USP9X: variants seen among roughly 807,000 people sequenced by gnomAD.
The protein encoded by USP9X is ubiquitin carboxyl-terminal hydrolase 9X.
USP9X carries 7 observed loss-of-function variants against 190.3 expected under a neutral mutation model. The ratio of observed to expected loss-of-function variants is 0.04; its 90% CI spans 0.02 to 0.07. USP9X has a LOEUF of 0.07. USP9X is among the 10% of genes least tolerant of loss of function. The probability of loss-of-function intolerance (pLI) is 1.00; values close to 1 mark genes in which losing one functional copy is unlikely to be tolerated. For synonymous variants in USP9X, 645 were observed against 659.5 expected, an observed-to-expected ratio of 0.98 and a Z score of 0.34; for missense variants, 1,010 against 1,916.9, an observed-to-expected ratio of 0.53 and a Z score of 8.83.
Position 41,121,173 on chromosome X carries a change from C to T in USP9X, c.-158-2298C>T, listed in dbSNP as rs1385909479. On this transcript the variant is annotated intron_variant, in intron 1 of 44. Coordinates refer to ENST00000378308, the MANE Select transcript of USP9X (RefSeq NM_001039591.3). ...TTTAAACATATTCCTCTAGCACTTTCTATAGTTGTTTACATTTTCCTCATT... is the reference window on the plus strand; with the variant it reads ...TTTAAACATATTCCTCTAGCACTTTTTATAGTTGTTTACATTTTCCTCATT... Among the ~76,000 whole-genome samples, 3 of 111,334 alleles carry T rather than the reference C, an allele frequency of 2.7e-5. No individual in the cohort carries two copies. In the East Asian group the frequency reaches 8.4e-4, roughly 31 times the overall value.
At chrX:41,162,946 A>G (rs2062645922) in intron 15 of USP9X, 69 bp downstream of exon 15, 3 of 889,834 alleles carry the variant, frequency 3.4e-6, no homozygotes, top group Non-Finnish European at 4.6e-6. Context: ...AATAGACTGT[A>G]TAGCTTGGTC....
At chrX:41,131,399 G>T in intron 3 of USP9X, 58 bp from the exon 4 acceptor site, 2 of 928,645 alleles carry the variant, frequency 2.2e-6, no homozygotes, top group Admixed American at 4.8e-5. Context: ...TAGCTCATTT[G>T]TAGTGCCTCT....
chrX:41,166,348 G>C lies in USP9X; in HGVS notation c.2328+134G>C. ...CAGGAATTTGGTGTAGTTAGGAATT[G>C]TTCATTTTTATTATGTCACCTGTCA... On this transcript the variant is annotated intron_variant, in intron 16 of 44. Transcript: ENST00000378308. 8.1e-6 allele frequency: 4 copies of C among 491,039 alleles called. No homozygotes were observed. The East Asian group carries it at 1.5e-4, about 19-fold the overall frequency. 40.5% of individuals were successfully genotyped at this position (491,039 alleles called of 1,213,427 possible).
rs1464261260 is a variant in USP9X, at chrX:41,131,375, A to G, written c.243-82A>G. 25 of 680,930 alleles carry G rather than the reference A, an allele frequency of 3.7e-5. No homozygotes were observed. In the East Asian group the frequency reaches 8.5e-4, roughly 23 times the overall value. The allele number at this position is 680,930 out of a possible 1,213,427, so 56.1% of individuals were successfully genotyped here. A position where few individuals can be genotyped will look rare whatever the true frequency, so the allele number is the denominator to read the frequency against. On this transcript the variant is annotated intron_variant, in intron 3 of 44. Transcript: ENST00000378308. The stretch of plus-strand genomic sequence containing the variant: ...TAATATTAAATATTTTCATAGCAAG[A>G]TAATTATAATTAGTAGCTCATTTGT...
At chrX:41,196,382 T>G in intron 27 of USP9X, 23 bp downstream of exon 27, 1 of 1,188,447 alleles carries the variant, frequency 8.4e-7, no homozygotes, top group Non-Finnish European at 1.1e-6. Context: ...AAAATATGCT[T>G]ATCAATGTGA....
intron 2 of USP9X, among the ~76,000 whole-genome samples, chrX:41,126,706 C>T (rs2062257126): frequency 9.0e-6 from 1 of 110,648 alleles, no homozygotes; most frequent in South Asian, 3.7e-4. Flanking sequence ...TTACATTATC[C>T]CTCACTCTTA....
At chrX:41,223,811 A>G (rs1602053999) in intron 39 of USP9X, among the ~76,000 whole-genome samples, 1 of 111,631 alleles carries the variant, frequency 9.0e-6, no homozygotes, top group African/African-American at 3.3e-5. Flanking sequence ...TTGCTTTGGA[A>G]TATTTTAGCC....
intron 33 of USP9X, among the ~76,000 whole-genome samples, chrX:41,212,925 T>TTA (rs1248545948): frequency 1.8e-5 from 2 of 112,168 alleles, no homozygotes; most frequent in Non-Finnish European, 3.8e-5. Flanking sequence ...GCCTTTTATA[T>TTA]TAGGTGAACA....
intron 1 of USP9X, among the ~76,000 whole-genome samples, chrX:41,086,878 T>G (rs2061917672): frequency 8.9e-6 from 1 of 112,861 alleles, no homozygotes; most frequent in Admixed American, 9.3e-5. Flanking sequence ...CAGATTCTTG[T>G]GACGTGAGGC....
rs369581773 is a variant in USP9X at position 41,224,812 on chromosome X, T to C, written c.6822T>C (p.Asn2274=). 2 of 1,209,438 alleles carry C rather than the reference T, an allele frequency of 1.7e-6. No homozygotes were observed. Among genetic ancestry groups the C allele is most frequent in the African/African-American group, 3.5e-5 (2 of 57,109 alleles). ...AACCTATAATGCCAATTCAGCAGAA[T>C]GTGGCAGACATTTTATTTGTGAGAA... The part of the protein sequence containing the change: ...LSQPIMPIQQ[N]VADILFVRTS... The change falls in exon 40 of 45, where the codon AAT becomes AAC. Residue 2274 remains asparagine, a synonymous_variant. Transcript: ENST00000378308.
At position 41,143,427 on chromosome X, in the gene USP9X, A is replaced by G. The variant is rs760290756; in HGVS notation, c.1298A>G (p.Asn433Ser). ...EKALTLQDLD[N>S]IWAAQAGKHE... is the part of the protein sequence containing the mutation. ...GCTCTGACCTTACAGGATCTTGATAATATCTGGGCAGCACAGGTAAGGAAT... is the reference window on the plus strand; with the variant it reads ...GCTCTGACCTTACAGGATCTTGATAGTATCTGGGCAGCACAGGTAAGGAAT... Residue 433 changes from asparagine (N) to serine (S), a missense_variant, in exon 10 of 45, where the codon AAT (asparagine) becomes AGT (serine). Physicochemically the swap from Asn to Ser is conservative, Grantham distance 46 (BLOSUM62 1). This residue lies in a region of USP9X where 39 missense variants were observed against 132.4 expected (regional missense o/e 0.29). Transcript: ENST00000378308. 4 of 1,198,061 alleles carry G rather than the reference A, an allele frequency of 3.3e-6. No homozygotes were observed. The highest frequency in any genetic ancestry group is 2.3e-5 in the Admixed American group (1 of 43,950).
At position 41,151,154 on chromosome X, in the gene USP9X, T is replaced by C. The variant is rs772748641; in HGVS notation, c.1763+97T>C. ...GGCTGGCAAATGCAAATTTTTAAAT[T>C]AGTGGAGTGAGAAGAGGCTATATAA... On this transcript the variant is annotated intron_variant, in intron 13 of 44. Coordinates refer to ENST00000378308, the MANE Select transcript of USP9X (RefSeq NM_001039591.3). 1.6e-5 allele frequency: 14 copies of C among 870,526 alleles called. No homozygotes were observed. The African/African-American group carries it at 2.7e-4, about 17-fold the overall frequency. 71.7% of individuals were successfully genotyped at this position (870,526 alleles called of 1,213,427 possible). A position where few individuals can be genotyped will look rare whatever the true frequency, so the allele number is the denominator to read the frequency against.
intron 14 of USP9X, among the ~76,000 whole-genome samples, chrX:41,161,226 C>G (rs181143150): frequency 3.2e-4 from 34 of 107,765 alleles, no homozygotes; most frequent in African/African-American, 9.9e-4. Context: ...TATGCACACA[C>G]GTGTATGTGT....
At chrX:41,150,852 C>G in intron 12 of USP9X, 69 bp from the exon 13 acceptor site, 1 of 1,003,463 alleles carries the variant, frequency 1.0e-6, no homozygotes, top group Non-Finnish European at 1.3e-6. Flanking sequence ...TTATAATTCT[C>G]AAAATAATTT....
At chrX:41,218,627 G>T in intron 37 of USP9X, 30 bp downstream of exon 37, 1 of 1,164,919 alleles carries the variant, frequency 8.6e-7, no homozygotes, top group East Asian at 3.0e-5. Context: ...TCTAAATGAT[G>T]AGATGTTTAC....
chrX:41,093,045 G>A (rs2061965429), intron 1 of USP9X, among the ~76,000 whole-genome samples: 1 of 111,387 alleles, frequency 9.0e-6, no homozygotes, highest in South Asian at 3.7e-4. Flanking sequence ...GTTAATTTTT[G>A]TTAGAGAACA....
intron 39 of USP9X, among the ~76,000 whole-genome samples, chrX:41,223,914 CTTT>C (rs2147263914): frequency 8.9e-6 from 1 of 111,980 alleles, no homozygotes; most frequent in East Asian, 2.8e-4. Context: ...TAAGAATTAA[CTTT>C]TTAGGCTGGG....
intron 33 of USP9X, among the ~76,000 whole-genome samples, chrX:41,213,869 A>G (rs952699105): frequency 8.9e-6 from 1 of 112,403 alleles, no homozygotes; most frequent in Non-Finnish European, 1.9e-5. Context: ...ATAAGGGACT[A>G]TCTTAAACAG....
At chrX:41,136,351 G>A (rs1289865334) in intron 5 of USP9X, among the ~76,000 whole-genome samples, 1 of 111,217 alleles carries the variant, frequency 9.0e-6, no homozygotes, top group South Asian at 3.8e-4. Flanking sequence ...AGTAGAGACA[G>A]GGTTTCACCC....
Sources: allele counts gnomAD v4.1 joint callset (sites outside exome capture counted in the v4.1 genomes callset), GRCh38; gene constraint gnomAD v4.1.1; regional missense constraint gnomAD v4.1.1; transcripts MANE v1.5; gene names NCBI Gene and HGNC (gene_info 2026-07-23, HGNC 2026-07-21).